Variants in CNBD2 observed in about 807,000 individuals in gnomAD.
The protein encoded by CNBD2 is cyclic nucleotide-binding domain-containing protein 2.
A neutral mutation model predicts 63.7 loss-of-function variants in CNBD2; 64 were observed. That is an observed-to-expected ratio of 1.00 (90% CI 0.82 to 1.24). CNBD2 has a LOEUF of 1.24. Among genes scored for constraint, CNBD2 ranks in the 50% most tolerant of loss-of-function variants. The probability of loss-of-function intolerance (pLI) is 0.00; values close to 1 mark genes in which losing one functional copy is unlikely to be tolerated. For synonymous variants in CNBD2, 229 were observed against 255.4 expected (o/e 0.90, Z 0.99); for missense variants, 691 against 713.5 (o/e 0.97, Z 0.36).
chr20:35,968,780 AACTT>A lies in CNBD2; in HGVS notation c.20_23del (p.Thr7MetfsTer6). On this transcript the variant is annotated frameshift_variant, in exon 1 of 12. Transcript: ENST00000373973. LOFTEE classifies it high-confidence loss of function. The stretch of plus-strand genomic sequence containing the variant: ...CAGGAACCATGAGGAGACATATGGT[AACTT>A]ATGCCTGGCAGCTCCTGAAGAAGGA... 6.2e-7 allele frequency: 1 copy of A among 1,609,384 alleles called. No individual in the cohort carries two copies. The highest frequency in any genetic ancestry group is 8.5e-7 in the Non-Finnish European group (1 of 1,178,502).
chr20:36,009,522 G>GAAGAAA (rs547393652), intron 9 of CNBD2, among the ~76,000 whole-genome samples: 97 of 150,076 alleles, frequency 6.5e-4, no homozygotes, highest in African/African-American at 2.1e-3. Flanking sequence ...CTTAAAAAAA[G>GAAGAAA]AAGAAAAAGA....
At chr20:35,996,506 TTG>T (rs370599699) in intron 8 of CNBD2, among the ~76,000 whole-genome samples, 1 of 150,738 alleles carries the variant, frequency 6.6e-6, no homozygotes, top group Non-Finnish European at 1.5e-5. Context: ...AGCTCTCTTT[TTG>T]TTTTTTTTTT....
At chr20:35,995,479 T>A (rs538166190) in intron 8 of CNBD2, among the ~76,000 whole-genome samples, 2 of 152,230 alleles carry the variant, frequency 1.3e-5, no homozygotes, top group Non-Finnish European at 2.9e-5. Context: ...GTCTCTGGAT[T>A]TGCCTGTGAT....
chr20:36,011,591 A>G (rs1257495515), intron 10 of CNBD2, among the ~76,000 whole-genome samples: 1 of 152,102 alleles, frequency 6.6e-6, no homozygotes, highest in Non-Finnish European at 1.5e-5. Context: ...GGAACAAGGC[A>G]AAGATGTTCC....
At chr20:35,971,772 A>G (rs1443314073) in intron 1 of CNBD2, among the ~76,000 whole-genome samples, 1 of 152,162 alleles carries the variant, frequency 6.6e-6, no homozygotes, top group Non-Finnish European at 1.5e-5. Flanking sequence ...GAAGCATACC[A>G]TTGGTATGTC....
At position 36,025,850 on chromosome 20, in the gene CNBD2, C is replaced by T. The variant is rs189131952; in HGVS notation, c.1439+2079C>T. ...TATGTATATGTAATATAAATAACAT[C>T]TGTTAATTTGTTTTTATTATATCCA... On this transcript the variant is annotated intron_variant, in intron 11 of 11. Coordinates refer to ENST00000373973, the MANE Select transcript of CNBD2 (RefSeq NM_001365709.1). 3.9e-3 allele frequency among the ~76,000 whole-genome samples: 598 copies of T among 152,026 alleles called. 7 individuals are homozygous for T. The highest frequency in any genetic ancestry group is 0.014 in the African/African-American group (566 of 41,460).
At chr20:36,001,309 G>A (rs2056896311) in intron 8 of CNBD2, among the ~76,000 whole-genome samples, 1 of 150,414 alleles carries the variant, frequency 6.6e-6, no homozygotes, top group Non-Finnish European at 1.5e-5. Flanking sequence ...TCCCAGTAGG[G>A]GCGGCCGGGC....
chr20:36,029,342 ATGT>A (rs1375164582), intron 11 of CNBD2, among the ~76,000 whole-genome samples: 4 of 152,182 alleles, frequency 2.6e-5, no homozygotes, highest in African/African-American at 7.2e-5. Flanking sequence ...TCTGAGTGAG[ATGT>A]TGTTGTTATT....
chr20:35,954,484 A>G (rs1186818172), upstream of CNBD2: 8 of 1,544,700 alleles, frequency 5.2e-6, no homozygotes, highest in South Asian at 9.6e-5. Context: ...CCGGAAGCGA[A>G]AGTCTCTGGC....
intron 3 of CNBD2, among the ~76,000 whole-genome samples, chr20:35,979,720 G>C (rs1164058457): frequency 6.6e-6 from 1 of 152,210 alleles, no homozygotes; most frequent in Non-Finnish European, 1.5e-5. Context: ...GCTGAGACCA[G>C]AATGATGAGT....
Position 36,011,223 on chromosome 20 carries a change from T to G in CNBD2, c.1235T>G (p.Val412Gly). Reference protein sequence around the residue: ...LPKEAAVGAYVKVHTVEQGEI... With the variant: ...LPKEAAVGAYGKVHTVEQGEI... ...AAGGAGGCTGCAGTGGGGGCCTACGTGAAGGTGCACACTGTGGAGCAGGGA... is the reference window on the plus strand; with the variant it reads ...AAGGAGGCTGCAGTGGGGGCCTACGGGAAGGTGCACACTGTGGAGCAGGGA... Residue 412 changes from valine (V) to glycine (G), a missense_variant, in exon 10 of 12, where the codon GTG becomes GGG. Physicochemically the swap from Val to Gly is moderately radical, Grantham distance 109 (BLOSUM62 -3). Coordinates refer to ENST00000373973, the MANE Select transcript of CNBD2 (RefSeq NM_001365709.1). 6.3e-7 allele frequency: 1 copy of G among 1,593,100 alleles called. No homozygotes were observed. The highest frequency in any genetic ancestry group is 1.1e-5 in the South Asian group (1 of 87,778).
intron 11 of CNBD2, among the ~76,000 whole-genome samples, chr20:36,024,804 G>T (rs1891151): frequency 0.24 from 36,645 of 151,454 alleles, 5,247 homozygotes; most frequent in African/African-American, 0.39. Flanking sequence ...GTGTGGTGGC[G>T]GGCACCTTTA....
At chr20:36,000,271 T>C (rs1434176915) in intron 8 of CNBD2, among the ~76,000 whole-genome samples, 9 of 145,716 alleles carry the variant, frequency 6.2e-5, no homozygotes, top group Non-Finnish European at 1.3e-4. Flanking sequence ...TTCACTACTT[T>C]AAAGATGTTG....
upstream of CNBD2, among the ~76,000 whole-genome samples, chr20:35,965,833 A>C (rs2056341416): frequency 1.3e-5 from 2 of 152,090 alleles, no homozygotes; most frequent in Admixed American, 1.3e-4. Context: ...TAGCTCTCCA[A>C]ACTTCCTGCT....
intron 10 of CNBD2, among the ~76,000 whole-genome samples, chr20:36,016,176 A>G (rs535383551): frequency 1.6e-4 from 24 of 152,300 alleles, no homozygotes; most frequent in African/African-American, 5.5e-4. Flanking sequence ...CCCACAAAAT[A>G]CTCAATGAGT....
chr20:35,997,465 T>C (rs1286273216), intron 8 of CNBD2, among the ~76,000 whole-genome samples: 2 of 152,218 alleles, frequency 1.3e-5, no homozygotes, highest in African/African-American at 4.8e-5. Flanking sequence ...GCCTGGTTTC[T>C]TCATATCTAC....
intron 8 of CNBD2, among the ~76,000 whole-genome samples, chr20:36,001,413 G>A (rs2056899959): frequency 6.6e-6 from 1 of 151,176 alleles, no homozygotes; most frequent in South Asian, 2.1e-4. Context: ...GCCGGGCAGA[G>A]GGGCTCCTCA....
chr20:36,007,989 A>T (rs1164485157), intron 8 of CNBD2, among the ~76,000 whole-genome samples: 1 of 152,116 alleles, frequency 6.6e-6, no homozygotes, highest in Non-Finnish European at 1.5e-5. Flanking sequence ...AATCCAAGAG[A>T]CCTGAGTTCA....
At chr20:36,003,097 T>G (rs2056937962) in intron 8 of CNBD2, among the ~76,000 whole-genome samples, 1 of 152,158 alleles carries the variant, frequency 6.6e-6, no homozygotes, top group Non-Finnish European at 1.5e-5. Flanking sequence ...GTACTTTTCA[T>G]TTTAGACATT....
Sources: allele counts gnomAD v4.1 joint callset (sites outside exome capture counted in the v4.1 genomes callset), GRCh38; gene constraint gnomAD v4.1.1; transcripts MANE v1.5; gene names NCBI Gene and HGNC (gene_info 2026-07-23, HGNC 2026-07-21).